Variants in ROBO2 observed in about 807,000 individuals in gnomAD.
The protein encoded by ROBO2 is roundabout guidance receptor 2.
A neutral mutation model predicts 160.8 loss-of-function variants in ROBO2; 53 were observed. The observed-to-expected ratio is 0.33, with a 90% CI of 0.26 to 0.41. The LOEUF (loss-of-function observed/expected upper bound fraction) is 0.41. Ranked by LOEUF, ROBO2 falls within the 10% of genes least tolerant of loss-of-function variation. The pLI is 1.00. For synonymous variants in ROBO2, 664 were observed against 611.7 expected, an observed-to-expected ratio of 1.09 and a Z score of -1.26; for missense variants, 1,577 against 1,722.4, an observed-to-expected ratio of 0.92 and a Z score of 1.49.
chr3:77,057,425 T>C (rs190710550), intron 1 of ROBO2, among the ~76,000 whole-genome samples: 9 of 152,112 alleles, frequency 5.9e-5, no homozygotes, highest in Admixed American at 2.0e-4. Flanking sequence ...CAAACCTGCA[T>C]GTTGTGCACA....
chr3:76,382,249 T>G (rs1251708926), intron 2 of ROBO2, among the ~76,000 whole-genome samples: 1 of 152,202 alleles, frequency 6.6e-6, no homozygotes. Flanking sequence ...ATCACAGGCA[T>G]GAGCCACAGC....
chr3:76,385,117 C>G (rs2076821443), intron 2 of ROBO2, among the ~76,000 whole-genome samples: 1 of 152,056 alleles, frequency 6.6e-6, no homozygotes, highest in East Asian at 1.9e-4. Flanking sequence ...ACCTCAGTCC[C>G]CCAAGTAGCT....
At chr3:77,541,499 A>G (rs960048502) in intron 6 of ROBO2, among the ~76,000 whole-genome samples, 1 of 152,238 alleles carries the variant, frequency 6.6e-6, no homozygotes, top group African/African-American at 2.4e-5. Context: ...CATTGTATTT[A>G]AATTCTCAAA....
At chr3:77,467,395 G>A (rs772296150) in intron 2 of ROBO2, among the ~76,000 whole-genome samples, 29 of 152,080 alleles carry the variant, frequency 1.9e-4, no homozygotes, top group Non-Finnish European at 3.4e-4. Context: ...AACCAGGCAG[G>A]CATTCTACAA....
At chr3:76,076,329 C>A (rs975232650) in intron 2 of ROBO2, among the ~76,000 whole-genome samples, 1 of 152,190 alleles carries the variant, frequency 6.6e-6, no homozygotes, top group Admixed American at 6.5e-5. Context: ...ACCAGCACAA[C>A]TGTTTTAGTC....
At position 75,918,895 on chromosome 3, in the gene ROBO2, G is replaced by C. The variant is rs80005311; in HGVS notation, c.-14+11935G>C. On this transcript the variant is annotated intron_variant, in intron 1 of 26. Transcript: ENST00000487694. The stretch of plus-strand genomic sequence containing the variant: ...TTTTTGCACATTAATTTTATATCCT[G>C]AGACTTTGCCAAAGTTGTTTATCAG... 4.5e-3 allele frequency among the ~76,000 whole-genome samples: 686 copies of C among 152,296 alleles called. 38 individuals are homozygous for C. In the East Asian group the frequency reaches 0.12, roughly 26 times the overall value.
At chr3:76,481,447 A>G (rs561603437) in intron 2 of ROBO2, among the ~76,000 whole-genome samples, 9 of 152,290 alleles carry the variant, frequency 5.9e-5, no homozygotes, top group African/African-American at 2.2e-4. Context: ...TGAGAAGATA[A>G]TGTGCATAGT....
intron 2 of ROBO2, among the ~76,000 whole-genome samples, chr3:76,775,232 T>C (rs944720206): frequency 1.3e-5 from 2 of 150,712 alleles, no homozygotes; most frequent in African/African-American, 4.8e-5. Context: ...GAAATGTTTT[T>C]ACTGTTTTGA....
chr3:77,544,034 T>C (rs1344376390), intron 6 of ROBO2, among the ~76,000 whole-genome samples: 1 of 152,066 alleles, frequency 6.6e-6, no homozygotes, highest in Non-Finnish European at 1.5e-5. Context: ...GAGATAACTA[T>C]ATACTCATTC....
chr3:76,102,847 T>C (rs1033574702), intron 2 of ROBO2, among the ~76,000 whole-genome samples: 24 of 150,670 alleles, frequency 1.6e-4, no homozygotes, highest in African/African-American at 5.7e-4. Flanking sequence ...TTTTTTGAGA[T>C]GGAGTCTCAC....
intron 20 of ROBO2, among the ~76,000 whole-genome samples, chr3:77,606,877 G>A (rs954766879): frequency 1.3e-5 from 2 of 152,198 alleles, no homozygotes; most frequent in Non-Finnish European, 2.9e-5. Flanking sequence ...AAGTTATATA[G>A]TGTCCCCTGA....
intron 2 of ROBO2, among the ~76,000 whole-genome samples, chr3:75,989,950 T>C (rs2107505171): frequency 6.6e-6 from 1 of 152,344 alleles, no homozygotes; most frequent in East Asian, 1.9e-4. Context: ...AATTGGCATG[T>C]GTGTTTTTTT....
At chr3:76,921,732 T>G (rs976219690) in intron 2 of ROBO2, among the ~76,000 whole-genome samples, 1 of 152,162 alleles carries the variant, frequency 6.6e-6, no homozygotes, top group African/African-American at 2.4e-5. Context: ...TCTTGGCACT[T>G]GAGATACTTC....
At chr3:77,139,859 C>T (rs2076567002) in intron 2 of ROBO2, among the ~76,000 whole-genome samples, 1 of 152,114 alleles carries the variant, frequency 6.6e-6, no homozygotes, top group South Asian at 2.1e-4. Context: ...AATCATTTTC[C>T]CATCAAGGCA....
intron 2 of ROBO2, among the ~76,000 whole-genome samples, chr3:76,935,442 A>G (rs1213357267): frequency 1.3e-5 from 2 of 152,274 alleles, no homozygotes; most frequent in African/African-American, 4.8e-5. Flanking sequence ...TCCATCCAGT[A>G]TCTATTGCAT....
At chr3:76,880,951 A>G (rs577851888) in intron 2 of ROBO2, among the ~76,000 whole-genome samples, 3 of 152,244 alleles carry the variant, frequency 2.0e-5, no homozygotes, top group South Asian at 2.1e-4. Flanking sequence ...GAGTTTTCCT[A>G]TATTAATTGC....
At chr3:76,125,974 G>A (rs550885327) in intron 2 of ROBO2, among the ~76,000 whole-genome samples, 2 of 152,078 alleles carry the variant, frequency 1.3e-5, no homozygotes, top group South Asian at 2.1e-4. Context: ...TGACAGGCGC[G>A]TGCCACCATG....
chr3:77,275,322 A>G (rs945318814), intron 2 of ROBO2, among the ~76,000 whole-genome samples: 19 of 152,162 alleles, frequency 1.2e-4, no homozygotes, highest in Non-Finnish European at 2.6e-4. Context: ...ATTCAAAACT[A>G]TCATATGTCA....
At chr3:77,112,026 G>T (rs1048636094) in intron 2 of ROBO2, among the ~76,000 whole-genome samples, 31 of 151,638 alleles carry the variant, frequency 2.0e-4, no homozygotes, top group African/African-American at 7.3e-4. Context: ...AGCCTGGGCA[G>T]CACGGTCAAA....
Sources: gnomAD v4.1 joint callset for allele counts (sites outside exome capture counted in the v4.1 genomes callset) on GRCh38, gnomAD v4.1.1 for gene constraint, MANE v1.5 for transcripts, NCBI Gene and HGNC (gene_info 2026-07-23, HGNC 2026-07-21) for gene names.